The following PAPPA variants were observed in gnomAD, a reference collection of about 807,000 sequenced individuals.
PAPPA encodes the protein pappalysin 1.
A neutral mutation model predicts 164.0 loss-of-function variants in PAPPA; 60 were observed. The observed-to-expected ratio is 0.37, with a 90% CI of 0.30 to 0.45. PAPPA has a LOEUF of 0.45. Ranked by LOEUF, PAPPA falls within the 20% of genes least tolerant of loss-of-function variation. The pLI is 1.00. For missense variants in PAPPA, 1,782 were observed against 2,087.3 expected (o/e 0.85, Z 2.85); for synonymous variants, 875 against 814.1 (o/e 1.07, Z -1.27).
chr9:116,328,251 C>CA (rs1350176743), intron 10 of PAPPA, among the ~76,000 whole-genome samples: 1 of 152,176 alleles, frequency 6.6e-6, no homozygotes, highest in Non-Finnish European at 1.5e-5. Flanking sequence ...GCCTGGATTT[C>CA]AAATTCCATA....
At chr9:116,339,939 C>A (rs73656809) in intron 13 of PAPPA, among the ~76,000 whole-genome samples, 2,312 of 152,122 alleles carry the variant, frequency 0.015, 62 homozygotes, top group African/African-American at 0.053. Flanking sequence ...GAATTTGAGT[C>A]CAAAGGTAAA....
chr9:116,345,884 G>C (rs372944180), intron 14 of PAPPA, among the ~76,000 whole-genome samples: 5 of 152,302 alleles, frequency 3.3e-5, no homozygotes, highest in Middle Eastern at 3.4e-3. Context: ...GAGGATTTCT[G>C]TCACTAAATG....
At chr9:116,307,855 G>A (rs1845667075) in intron 10 of PAPPA, among the ~76,000 whole-genome samples, 1 of 152,116 alleles carries the variant, frequency 6.6e-6, no homozygotes, top group African/African-American at 2.4e-5. Context: ...TTAGTGTCCT[G>A]TAGAAAATGA....
intron 10 of PAPPA, among the ~76,000 whole-genome samples, chr9:116,317,981 G>T (rs1356986951): frequency 6.6e-6 from 1 of 152,112 alleles, no homozygotes; most frequent in African/African-American, 2.4e-5. Context: ...TTTAAATAAC[G>T]TGCTCAGAAC....
chr9:116,342,958 G>A (rs894859831), intron 13 of PAPPA, among the ~76,000 whole-genome samples: 1 of 152,192 alleles, frequency 6.6e-6, no homozygotes, highest in Non-Finnish European at 1.5e-5. Flanking sequence ...ACATCTGCAA[G>A]GAATTTTTAT....
At chr9:116,184,028 A>G (rs13285504) in intron 1 of PAPPA, among the ~76,000 whole-genome samples, 1 of 152,182 alleles carries the variant, frequency 6.6e-6, no homozygotes, top group Admixed American at 6.5e-5. Flanking sequence ...AGAGAGAGAG[A>G]CAGAGAAAGA....
In PAPPA at chr9:116,374,188, GTGA is replaced by G. The variant is rs376081682; in HGVS notation, c.4606-3379_4606-3377del. ...GGTGGTGTTGATGATGATGATGGTG[GTGA>G]TGATGATGGTGGTGCCAATGGTGCT... On this transcript the variant is annotated intron_variant, in intron 19 of 21. Coordinates refer to ENST00000328252, the MANE Select transcript of PAPPA (RefSeq NM_002581.5). 6.3e-3 allele frequency among the ~76,000 whole-genome samples: 680 copies of G among 108,344 alleles called. 4 individuals carry two copies. The highest frequency in any genetic ancestry group is 0.018 in the African/African-American group (606 of 34,516). The allele number at this position is 108,344 out of a possible 152,430, so 71.1% of individuals were successfully genotyped here. A position where few individuals can be genotyped will look rare whatever the true frequency, so the allele number is the denominator to read the frequency against.
chr9:116,334,845 C>T lies in PAPPA; in HGVS notation c.3398-16C>T. The T allele has an allele frequency of 4.4e-6, 7 of 1,606,362 alleles. No homozygotes were observed. The highest frequency in any genetic ancestry group is 6.0e-6 in the Non-Finnish European group (7 of 1,173,068). On this transcript the variant is annotated splice_polypyrimidine_tract_variant and intron_variant, in intron 12 of 21. Coordinates refer to ENST00000328252, the MANE Select transcript of PAPPA (RefSeq NM_002581.5). ...TAATGAGCCTGGCCCCTCGGCCCCT[C>T]TGTCTCCCCTGACAGGCCTCCATGT...
Position 116,401,468 on chromosome 9 carries a change from G to A in PAPPA, c.*4852G>A, listed in dbSNP as rs1847053911. On this transcript the variant is annotated 3_prime_UTR_variant, in exon 22 of 22. Coordinates refer to ENST00000328252, the MANE Select transcript of PAPPA (RefSeq NM_002581.5). ...GAGGAAAACTTTGAACAATTATTGA[G>A]TTGCTTTCTTGGGTCTCTATAATCA... The A allele has an allele frequency of 6.6e-6, 1 of 152,186 alleles. No homozygotes were observed. The highest frequency in any genetic ancestry group is 2.1e-4 in the South Asian group (1 of 4,822). The allele number at this position is 152,186 out of a possible 1,614,324, so 9.4% of individuals were successfully genotyped here.
intron 1 of PAPPA, among the ~76,000 whole-genome samples, chr9:116,161,113 G>A (rs1843660278): frequency 6.6e-6 from 1 of 152,214 alleles, no homozygotes. Flanking sequence ...AGTGAGAGAT[G>A]TGAGGGATTA....
At chr9:116,209,047 A>G (rs1047806105) in intron 3 of PAPPA, among the ~76,000 whole-genome samples, 20 of 152,176 alleles carry the variant, frequency 1.3e-4, no homozygotes, top group African/African-American at 4.8e-4. Flanking sequence ...TGTCCACTAC[A>G]AAGAATTATA....
At chr9:116,231,325 C>T (rs998942168) in intron 6 of PAPPA, among the ~76,000 whole-genome samples, 2 of 151,860 alleles carry the variant, frequency 1.3e-5, no homozygotes, top group African/African-American at 2.4e-5. Context: ...CCCCTTCCAC[C>T]TTTCCTCCTC....
intron 1 of PAPPA, among the ~76,000 whole-genome samples, chr9:116,157,895 C>G (rs868658882): frequency 4.6e-5 from 7 of 152,138 alleles, no homozygotes; most frequent in Middle Eastern, 3.4e-3. Flanking sequence ...CCCCAACTGC[C>G]CCCCCAACAC....
chr9:116,156,348 G>GTGTATATATATATATGTA (rs1554730879), intron 1 of PAPPA, among the ~76,000 whole-genome samples: 2 of 117,108 alleles, frequency 1.7e-5, no homozygotes, highest in African/African-American at 6.0e-5. Context: ...ATATATATAT[G>GTGTATATATATATATGTA]TATATATATA....
intron 21 of PAPPA, among the ~76,000 whole-genome samples, chr9:116,388,416 A>C (rs1846845243): frequency 1.3e-5 from 2 of 152,168 alleles, no homozygotes; most frequent in South Asian, 2.1e-4. Context: ...TGTGAGGGAG[A>C]AAAGGGAAAC....
intron 9 of PAPPA, among the ~76,000 whole-genome samples, chr9:116,291,475 T>G (rs988132667): frequency 6.6e-6 from 1 of 152,172 alleles, no homozygotes; most frequent in African/African-American, 2.4e-5. Flanking sequence ...CTAAAGCAGA[T>G]TGAAATCAGG....
At chr9:116,251,253 C>T (rs963517047) in intron 7 of PAPPA, among the ~76,000 whole-genome samples, 1 of 152,090 alleles carries the variant, frequency 6.6e-6, no homozygotes, top group African/African-American at 2.4e-5. Flanking sequence ...ACATTTTCCC[C>T]AAGTGCACAT....
chr9:116,342,317 A>G (rs1318100700), intron 13 of PAPPA, among the ~76,000 whole-genome samples: 2 of 152,208 alleles, frequency 1.3e-5, no homozygotes, highest in Non-Finnish European at 2.9e-5. Context: ...AGGTCTCCAC[A>G]TGGTACAATG....
chr9:116,156,858 G>C (rs1340979323), intron 1 of PAPPA, among the ~76,000 whole-genome samples: 1 of 152,180 alleles, frequency 6.6e-6, no homozygotes, highest in Non-Finnish European at 1.5e-5. Flanking sequence ...TCCCTCCTTC[G>C]TGTAAGTTTG....
Sources: gnomAD v4.1 joint callset for allele counts (sites outside exome capture counted in the v4.1 genomes callset) on GRCh38, gnomAD v4.1.1 for gene constraint, MANE v1.5 for transcripts, NCBI Gene and HGNC (gene_info 2026-07-23, HGNC 2026-07-21) for gene names.